The following DNMT3A variants were observed in gnomAD, a reference collection of about 807,000 sequenced individuals.
The protein encoded by DNMT3A is DNA methyltransferase 3 alpha.
Under a neutral mutation model 117.6 loss-of-function variants are expected in DNMT3A, and 267 were observed. The observed-to-expected ratio is 2.27, with a 90% CI of 2.05 to 2.51. The LOEUF (loss-of-function observed/expected upper bound fraction) is 2.51, where lower values mean the gene tolerates loss of function less well. Ranked by LOEUF, DNMT3A falls within the 30% of genes most tolerant of loss-of-function variation. The pLI, the probability that DNMT3A is intolerant of heterozygous loss-of-function variation, is 0.00. For synonymous variants in DNMT3A, 432 were observed against 474.8 expected (o/e 0.91, Z 1.17); for missense variants, 1,029 against 1,260.2 (o/e 0.82, Z 2.78).
intron 1 of DNMT3A, among the ~76,000 whole-genome samples, chr2:25,336,313 C>T (rs898941282): frequency 6.6e-6 from 1 of 152,168 alleles, no homozygotes; most frequent in East Asian, 1.9e-4. Flanking sequence ...CACTGGCAGC[C>T]CCTTGCAGGA....
chr2:25,267,831 G>T (rs1458585031), intron 6 of DNMT3A, among the ~76,000 whole-genome samples: 1 of 152,148 alleles, frequency 6.6e-6, no homozygotes, highest in Non-Finnish European at 1.5e-5. Context: ...TGCCTGTATT[G>T]AACGAGCTTA....
intron 4 of DNMT3A, among the ~76,000 whole-genome samples, chr2:25,278,555 G>A (rs114984173): frequency 0.021 from 3,163 of 152,366 alleles, 90 homozygotes; most frequent in African/African-American, 0.07. Flanking sequence ...GCTGAGTGCA[G>A]TGGCTCATGC....
intron 6 of DNMT3A, among the ~76,000 whole-genome samples, chr2:25,260,906 A>C (rs1475215329): frequency 6.6e-6 from 1 of 152,154 alleles, no homozygotes; most frequent in Non-Finnish European, 1.5e-5. Flanking sequence ...AGGTGGGAGG[A>C]TCACTTGAGC....
At chr2:25,246,888 A>C in intron 9 of DNMT3A, 112 bp from the exon 10 acceptor site, 1 of 1,530,860 alleles carries the variant, frequency 6.5e-7, no homozygotes, top group Non-Finnish European at 8.9e-7. Flanking sequence ...GATGGGGAGG[A>C]ACCGCTGAGG....
intron 6 of DNMT3A, among the ~76,000 whole-genome samples, chr2:25,273,490 A>T (rs1392640895): frequency 6.6e-6 from 1 of 152,158 alleles, no homozygotes; most frequent in African/African-American, 2.4e-5. Context: ...GTAAAGACGA[A>T]ATGAGAGCTG....
At position 25,252,443 on chromosome 2, in the gene DNMT3A, G is replaced by C; in HGVS notation, c.640-4191C>G. On this transcript the variant is annotated intron_variant, in intron 6 of 22. Transcript: ENST00000321117. This position sits in a 1 kb window ranked among gnomAD's most constrained non-coding sequence, Gnocchi z 5.5. ...CGAGCGGCCCGGGGAGGGGGCCGGC[G>C]CTCCGACGCTGGCGCTGGGCCAGCC... 1 of 414,892 alleles carries C rather than the reference G, an allele frequency of 2.4e-6. No individual in the cohort carries two copies. Among genetic ancestry groups the C allele is most frequent in the South Asian group, 5.3e-5 (1 of 18,766 alleles). 25.7% of individuals were successfully genotyped at this position (414,892 alleles called of 1,614,324 possible).
intron 4 of DNMT3A, among the ~76,000 whole-genome samples, chr2:25,277,069 G>A (rs1283197136): frequency 6.6e-6 from 1 of 152,168 alleles, no homozygotes; most frequent in Admixed American, 6.5e-5. Flanking sequence ...GGAGGCAGGA[G>A]GGCCACCGTG....
Position 25,252,274 on chromosome 2 carries a change from C to A in DNMT3A, c.640-4022G>T. On this transcript the variant is annotated intron_variant, in intron 6 of 22. Coordinates refer to ENST00000321117, the MANE Select transcript of DNMT3A (RefSeq NM_022552.5). The surrounding 1 kb of genome is among the most constrained non-coding windows in gnomAD (Gnocchi z 5.5). ...TGAAGCTCTGGAAGTAGCTGCCCGT[C>A]TTGGGGGAGGGGAAGGGGGCGATGG... 2 of 828,178 alleles carry A rather than the reference C, an allele frequency of 2.4e-6. No individual in the cohort carries two copies. The highest frequency in any genetic ancestry group is 3.2e-6 in the Non-Finnish European group (2 of 615,420). The allele number at this position is 828,178 out of a possible 1,614,324, so 51.3% of individuals were successfully genotyped here.
At position 25,327,822 on chromosome 2, in the gene DNMT3A, T is replaced by C. The variant is rs2034843289; in HGVS notation, c.-177-13661A>G. Among the ~76,000 whole-genome samples, 1 of 152,192 alleles carries C rather than the reference T, an allele frequency of 6.6e-6. No individual in the cohort carries two copies. Among genetic ancestry groups the C allele is most frequent in the African/African-American group, 2.4e-5 (1 of 41,434 alleles). ...CTCTATTTTCTGGTTTTTCCCTCTA[T>C]GTGGAAGTAACATTCCCCTCCCTTC... is the stretch of plus-strand genomic sequence containing the variant. On this transcript the variant is annotated intron_variant, in intron 1 of 22. Coordinates refer to ENST00000321117, the MANE Select transcript of DNMT3A (RefSeq NM_022552.5). The surrounding 1 kb of genome is among the most constrained non-coding windows in gnomAD (Gnocchi z 4.1).
At position 25,339,841 on chromosome 2, in the gene DNMT3A, G is replaced by T. The variant is rs1287050737; in HGVS notation, c.-178+1985C>A. On this transcript the variant is annotated intron_variant, in intron 1 of 22. Transcript: ENST00000321117. The surrounding 1 kb of genome is among the most constrained non-coding windows in gnomAD (Gnocchi z 4.9). ...CCTAACACCCAGGCAATAGCAAGGC[G>T]AATAGCTCCCCTGGCTGCAGCTGTC... Among the ~76,000 whole-genome samples, 1 of 152,234 alleles carries T rather than the reference G, an allele frequency of 6.6e-6. No homozygotes were observed. Among genetic ancestry groups the T allele is most frequent in the African/African-American group, 2.4e-5 (1 of 41,466 alleles).
At chr2:25,328,538 CAA>C (rs1472573606) in intron 1 of DNMT3A, 3 of 431,876 alleles carry the variant, frequency 6.9e-6, no homozygotes, top group Non-Finnish European at 1.5e-5. Context: ...TCTGATTTCT[CAA>C]AGAGACGAGG....
At chr2:25,314,963 G>A (rs2034309108) in intron 1 of DNMT3A, among the ~76,000 whole-genome samples, 1 of 152,220 alleles carries the variant, frequency 6.6e-6, no homozygotes, top group Non-Finnish European at 1.5e-5. Context: ...CACAGCTGGG[G>A]TGGGGGTGTT....
chr2:25,313,331 C>A, intron 2 of DNMT3A, among the ~76,000 whole-genome samples: 1 of 150,780 alleles, frequency 6.6e-6, no homozygotes, highest in East Asian at 1.9e-4. Flanking sequence ...CCAAAGATAA[C>A]CCAGCGACAT....
In DNMT3A at chr2:25,293,578, T is replaced by C. The variant is rs1475118942; in HGVS notation, c.177+6561A>G. On this transcript the variant is annotated intron_variant, in intron 3 of 22. Transcript: ENST00000321117. This position sits in a 1 kb window ranked among gnomAD's most constrained non-coding sequence, Gnocchi z 4.7. Reference sequence around the variant, plus strand: ...ATTATGGCTCACTGCAGCCTCAACCTCCCGGGGTCAAGAGATCCTCCTGCC... The same window carrying C: ...ATTATGGCTCACTGCAGCCTCAACCCCCCGGGGTCAAGAGATCCTCCTGCC... 6.6e-6 allele frequency among the ~76,000 whole-genome samples: 1 copy of C among 152,006 alleles called. No homozygotes were observed. Among genetic ancestry groups the C allele is most frequent in the African/African-American group, 2.4e-5 (1 of 41,378 alleles).
Position 25,239,205 on chromosome 2 carries a change from A to C in DNMT3A, c.2333T>G (p.Val778Gly), listed in dbSNP as rs979932565. The C allele has an allele frequency of 1.2e-6, 2 of 1,613,730 alleles. No individual in the cohort carries two copies. The highest frequency in any genetic ancestry group is 1.3e-5 in the African/African-American group (1 of 74,908). ...TGACACTTCTTTGGCATCAATCATC[A>C]CAGGGTTGGACTACAAAACAGGAGA... ...DISRFLESNPVMIDAKEVSAA... is the reference protein window; with the variant it reads ...DISRFLESNPGMIDAKEVSAA... The change falls in exon 20 of 23, where the codon GTG becomes GGG. Residue 778 changes from valine to glycine, a missense_variant. Val to Gly is a moderately radical substitution (Grantham distance 109). Coordinates refer to ENST00000321117, the MANE Select transcript of DNMT3A (RefSeq NM_022552.5).
chr2:25,340,216 G>T (rs986457599), intron 1 of DNMT3A, among the ~76,000 whole-genome samples: 5 of 152,156 alleles, frequency 3.3e-5, no homozygotes, highest in Non-Finnish European at 7.4e-5. Context: ...AGCCGCAGGG[G>T]GCTCCCCTCA....
intron 6 of DNMT3A, among the ~76,000 whole-genome samples, chr2:25,266,351 T>C (rs1317571260): frequency 1.3e-5 from 2 of 152,202 alleles, no homozygotes; most frequent in African/African-American, 4.8e-5. Flanking sequence ...GTCCAAATGC[T>C]CTAAAACTGC....
chr2:25,323,561 C>T (rs2034679048), intron 1 of DNMT3A, among the ~76,000 whole-genome samples: 1 of 152,214 alleles, frequency 6.6e-6, no homozygotes, highest in African/African-American at 2.4e-5. Context: ...GAACTTTCCA[C>T]CTCACAGCGC....
Position 25,241,594 on chromosome 2 carries a change from C to T in DNMT3A, c.2050G>A (p.Val684Ile), listed in dbSNP as rs758490363. ...TGTGTGACGCTGCGGACGTCCCCGA[C>T]GTACATGATCTTCCCCTGGTGCCGC... ...MVRHQGKIMY[V>I]GDVRSVTQKH... Residue 684 changes from valine (V) to isoleucine (I), a missense_variant, in exon 17 of 23, where the codon GTC becomes ATC. Transcript: ENST00000321117. 2 of 1,613,250 alleles carry T rather than the reference C, an allele frequency of 1.2e-6. No individual in the cohort carries two copies. Among genetic ancestry groups the T allele is most frequent in the Admixed American group, 1.7e-5 (1 of 59,832 alleles).
Sources: allele counts gnomAD v4.1 joint callset (sites outside exome capture counted in the v4.1 genomes callset), GRCh38; gene constraint gnomAD v4.1.1; non-coding constraint Gnocchi (gnomAD v3.1); transcripts MANE v1.5; gene names NCBI Gene and HGNC (gene_info 2026-07-23, HGNC 2026-07-21).